Variants in CLEC18B observed in about 807,000 individuals in gnomAD.
CLEC18B encodes the protein C-type lectin domain family 18 member B.
Under a neutral mutation model 60.4 loss-of-function variants are expected in CLEC18B, and 5 were observed. The ratio of observed to expected loss-of-function variants is 0.08; its 90% CI spans 0.04 to 0.17. The LOEUF (loss-of-function observed/expected upper bound fraction) is 0.17, where lower values mean the gene tolerates loss of function less well. Among genes scored for constraint, CLEC18B ranks in the 10% least tolerant of loss-of-function variants. The pLI, the probability that CLEC18B is intolerant of heterozygous loss-of-function variation, is 1.00. For synonymous variants in CLEC18B, 16 were observed against 221.2 expected (o/e 0.07, Z 8.23); for missense variants, 26 against 572.8 (o/e 0.05, Z 9.74).
At chr16:74,421,925 C>T (rs868059341), upstream of CLEC18B, 14 of 140,470 alleles carry the variant, frequency 1.0e-4, no homozygotes, top group African/African-American at 3.0e-4. Flanking sequence ...GCCGCACCTG[C>T]ACGAGGAAAA....
upstream of CLEC18B, chr16:74,422,401 G>T (rs1462493040): frequency 6.6e-6 from 1 of 151,948 alleles, no homozygotes; most frequent in Non-Finnish European, 1.5e-5. Context: ...ACACCCTCTC[G>T]GAGCGGGGTT....
chr16:74,422,083 G>A (rs1253906817), upstream of CLEC18B: 1 of 148,006 alleles, frequency 6.8e-6, no homozygotes, highest in South Asian at 2.2e-4. Context: ...TGATGCCCTG[G>A]GCTGACTCCA....
chr16:74,422,256 T>G (rs888134777), upstream of CLEC18B: 5 of 152,954 alleles, frequency 3.3e-5, no homozygotes, highest in African/African-American at 1.2e-4. Flanking sequence ...AATACATGGC[T>G]TCCTGCGGGC....
At chr16:74,414,272 T>G (rs1391502410) in intron 3 of CLEC18B, among the ~76,000 whole-genome samples, 1 of 152,270 alleles carries the variant, frequency 6.6e-6, no homozygotes, top group Non-Finnish European at 1.5e-5. Context: ...AAAAAAAGAC[T>G]GGAACGTCAA....
At chr16:74,414,362 T>G (rs529821614) in intron 3 of CLEC18B, among the ~76,000 whole-genome samples, 8 of 152,252 alleles carry the variant, frequency 5.3e-5, no homozygotes, top group African/African-American at 1.9e-4. Flanking sequence ...CTGCAGCTTT[T>G]TGCAGCAAAG....
At chr16:74,418,740 C>A (rs1269028774) in intron 2 of CLEC18B, among the ~76,000 whole-genome samples, 1 of 152,228 alleles carries the variant, frequency 6.6e-6, no homozygotes, top group Non-Finnish European at 1.5e-5. Flanking sequence ...CTCCTGCCCC[C>A]AGGAGCCTGG....
chr16:74,424,069 G>A (rs1024320731), upstream of CLEC18B, among the ~76,000 whole-genome samples: 1 of 152,212 alleles, frequency 6.6e-6, no homozygotes, highest in Admixed American at 6.5e-5. Context: ...CCAGACTGTA[G>A]GATTCACATT....
upstream of CLEC18B, among the ~76,000 whole-genome samples, chr16:74,423,651 T>A (rs1194166137): frequency 6.6e-6 from 1 of 151,616 alleles, no homozygotes; most frequent in Non-Finnish European, 1.5e-5. Flanking sequence ...ATGGCACCAT[T>A]GCACTCCATC....
At position 74,414,544 on chromosome 16, in the gene CLEC18B, T is replaced by C. The variant is rs1248466772; in HGVS notation, c.457-868A>G. ...TCAGTCACCACATGAACAAACTCAG[T>C]ATAGGAGTTTGGAAGGCCTCATGGA... On this transcript the variant is annotated intron_variant, in intron 3 of 11. Coordinates refer to ENST00000682950, the MANE Select transcript of CLEC18B (RefSeq NM_001385193.1). 4.9e-5 allele frequency among the ~76,000 whole-genome samples: 7 copies of C among 142,650 alleles called. No homozygotes were observed. The East Asian group carries it at 1.0e-3, about 21-fold the overall frequency. 93.6% of individuals were successfully genotyped at this position (142,650 alleles called of 152,430 possible). A position where few individuals can be genotyped will look rare whatever the true frequency, so the allele number is the denominator to read the frequency against.
chr16:74,413,334 A>G (rs1434662736), intron 4 of CLEC18B, among the ~76,000 whole-genome samples, 176 bp from the exon 5 acceptor site: 21 of 152,234 alleles, frequency 1.4e-4, no homozygotes, highest in African/African-American at 4.8e-4. Flanking sequence ...CCTCCAAACC[A>G]ATCCTGGACA....
At chr16:74,423,546 G>A (rs1343551692), upstream of CLEC18B, among the ~76,000 whole-genome samples, 4 of 152,222 alleles carry the variant, frequency 2.6e-5, no homozygotes, top group Non-Finnish European at 5.9e-5. Context: ...AAAATTAGCT[G>A]GGCAGGGTGG....
chr16:74,416,056 C>G (rs1347507450), intron 3 of CLEC18B, among the ~76,000 whole-genome samples: 1 of 152,230 alleles, frequency 6.6e-6, no homozygotes, highest in Non-Finnish European at 1.5e-5. Context: ...GTCAGGAGAT[C>G]AAGACCACCC....
chr16:74,419,083 C>A (rs2013555263), intron 2 of CLEC18B, among the ~76,000 whole-genome samples: 1 of 152,306 alleles, frequency 6.6e-6, no homozygotes, highest in African/African-American at 2.4e-5. Context: ...GTGTGAGCCA[C>A]CGTGCCCAGC....
intron 3 of CLEC18B, among the ~76,000 whole-genome samples, chr16:74,416,481 T>A (rs1435545450): frequency 6.6e-6 from 1 of 151,670 alleles, no homozygotes; most frequent in African/African-American, 2.4e-5. Flanking sequence ...CCAGCAATTC[T>A]CCTACCTCAG....
chr16:74,410,171 A>G (rs2013065261), intron 10 of CLEC18B, among the ~76,000 whole-genome samples: 1 of 152,292 alleles, frequency 6.6e-6, no homozygotes, highest in African/African-American at 2.4e-5. Context: ...GAATGAGTGC[A>G]GGTGGGTGAC....
At position 74,409,852 on chromosome 16, in the gene CLEC18B, C is replaced by T. The variant is rs149961754; in HGVS notation, c.1212-211G>A. Reference sequence around the variant, plus strand: ...TTCCTGGGTTAACAGCTCTGCCTACCCCATGGCAGCACTCAGCCACACCAG... The same window carrying T: ...TTCCTGGGTTAACAGCTCTGCCTACTCCATGGCAGCACTCAGCCACACCAG... On this transcript the variant is annotated intron_variant, in intron 10 of 11. Transcript: ENST00000682950. 2.1e-3 allele frequency: 3,335 copies of T among 1,606,830 alleles called. 1 individual carries two copies. Among genetic ancestry groups the T allele is most frequent in the Non-Finnish European group, 2.0e-3 (2,400 of 1,177,652 alleles).
intron 3 of CLEC18B, among the ~76,000 whole-genome samples, chr16:74,414,235 A>C: frequency 6.6e-6 from 1 of 152,278 alleles, no homozygotes; most frequent in Non-Finnish European, 1.5e-5. Context: ...ATGAGGGGAG[A>C]TTGTTGATGG....
upstream of CLEC18B, among the ~76,000 whole-genome samples, chr16:74,423,813 T>G (rs1331483164): frequency 1.3e-5 from 2 of 152,016 alleles, no homozygotes; most frequent in East Asian, 3.9e-4. Flanking sequence ...ACCGACACGC[T>G]GTGTGACCCT....
chr16:74,411,184 G>A (rs2013135075), intron 8 of CLEC18B, 150 bp from the exon 9 acceptor site: 1 of 1,441,310 alleles, frequency 6.9e-7, no homozygotes, highest in African/African-American at 1.4e-5. Flanking sequence ...TCCAAGAGCA[G>A]GGGTCCCTTC....
Sources: allele counts gnomAD v4.1 joint callset (sites outside exome capture counted in the v4.1 genomes callset), GRCh38; gene constraint gnomAD v4.1.1; transcripts MANE v1.5; gene names NCBI Gene and HGNC (gene_info 2026-07-23, HGNC 2026-07-21).